Variants in ADAM9 observed in about 807,000 individuals in gnomAD.
The protein encoded by ADAM9 is disintegrin and metalloproteinase domain-containing protein 9.
ADAM9 carries 54 observed loss-of-function variants against 108.1 expected under a neutral mutation model. The observed-to-expected ratio is 0.50, with a 90% CI of 0.40 to 0.63. The LOEUF (loss-of-function observed/expected upper bound fraction) is 0.63. Ranked by LOEUF, ADAM9 falls within the 20% of genes least tolerant of loss-of-function variation. The pLI is 0.00. For synonymous variants in ADAM9, 316 were observed against 336.0 expected, an observed-to-expected ratio of 0.94 and a Z score of 0.65; for missense variants, 830 against 997.7, an observed-to-expected ratio of 0.83 and a Z score of 2.26.
intron 6 of ADAM9, among the ~76,000 whole-genome samples, chr8:39,018,268 TTTGAC>T (rs1006660902): frequency 8.5e-4 from 129 of 152,320 alleles, no homozygotes; most frequent in African/African-American, 3.0e-3. Context: ...TATCCACTCT[TTTGAC>T]TTGGGCTATT....
At chr8:39,062,209 AAAAG>A in intron 14 of ADAM9, among the ~76,000 whole-genome samples, 1 of 152,332 alleles carries the variant, frequency 6.6e-6, no homozygotes, top group Non-Finnish European at 1.5e-5. Flanking sequence ...TTGCCCTGGT[AAAAG>A]CCATAGGTCC....
In ADAM9 at chr8:39,045,103, TGCATACATAC is replaced by T. The variant is rs201807878; in HGVS notation, c.1302+2987_1302+2996del. On this transcript the variant is annotated intron_variant, in intron 12 of 21. Coordinates refer to ENST00000487273, the MANE Select transcript of ADAM9 (RefSeq NM_003816.3). ...GTGTGCATACATACATATGTGTGTG[TGCATACATAC>T]ATATGTGTGTGTGCATACATACATA... Among the ~76,000 whole-genome samples the T allele has an allele frequency of 0.013, 243 of 18,196 alleles. 18 individuals carry two copies. In the East Asian group the frequency reaches 0.13, roughly 10 times the overall value. 11.9% of individuals were successfully genotyped at this position (18,196 alleles called of 152,430 possible). A position where few individuals can be genotyped will look rare whatever the true frequency, so the allele number is the denominator to read the frequency against.
chr8:39,083,056 G>C lies in ADAM9; in HGVS notation c.2051G>C (p.Ser684Thr). 1 of 1,613,788 alleles carries C rather than the reference G, an allele frequency of 6.2e-7. No homozygotes were observed. Among genetic ancestry groups the C allele is most frequent in the Non-Finnish European group, 8.5e-7 (1 of 1,179,720 alleles). ...AAAGGATACGGAGGAAGTGTGGACA[G>C]TGGACCTACATACAATGGCAAGTAA... ...ETKGYGGSVD[S>T]GPTYNEMNTA... The change falls in exon 18 of 22, where the codon AGT (serine) becomes ACT (threonine). Residue 684 changes from serine (S) to threonine (T), a missense_variant. Ser to Thr is a moderately conservative substitution (Grantham distance 58, BLOSUM62 1). This residue lies in a region of ADAM9 where 238 missense variants were observed against 235.7 expected (regional missense o/e 1.01). Transcript: ENST00000487273.
chr8:39,084,279 C>A (rs191097193), intron 18 of ADAM9, among the ~76,000 whole-genome samples: 1 of 149,804 alleles, frequency 6.7e-6, no homozygotes, highest in Non-Finnish European at 1.5e-5. Flanking sequence ...AGTCTGCTTA[C>A]TTTGGGTTTC....
chr8:39,007,982 A>C lies in ADAM9; in HGVS notation c.194A>C (p.Gln65Pro). Residue 65 changes from glutamine to proline, a missense_variant and splice_region_variant, in exon 2 of 22, where the codon CAA (glutamine) becomes CCA (proline). Physicochemically the swap from Gln to Pro is moderately conservative, Grantham distance 76 (BLOSUM62 -1). Coordinates refer to ENST00000487273, the MANE Select transcript of ADAM9 (RefSeq NM_003816.3). ...RREAPRPYSK[Q>P]VSYVIQAEGK... ...GAAGCCCCTAGGCCCTATTCAAAACAAGTAAGTTATAATTGTTGAGAAATA... is the reference window on the plus strand; with the variant it reads ...GAAGCCCCTAGGCCCTATTCAAAACCAGTAAGTTATAATTGTTGAGAAATA... 1.9e-6 allele frequency: 3 copies of C among 1,587,254 alleles called. No homozygotes were observed.
At position 39,010,823 on chromosome 8, in the gene ADAM9, C is replaced by A. The variant is rs1836330959; in HGVS notation, c.196-835C>A. 2.0e-5 allele frequency among the ~76,000 whole-genome samples: 3 copies of A among 152,118 alleles called. No homozygotes were observed. The South Asian group carries it at 6.2e-4, about 32-fold the overall frequency. On this transcript the variant is annotated intron_variant, in intron 2 of 21. Coordinates refer to ENST00000487273, the MANE Select transcript of ADAM9 (RefSeq NM_003816.3). ...TAATAAAGACACGGAAGTGGCCCAG[C>A]AGGGTGGTTTATGCCTGTAATCCCA...
intron 2 of ADAM9, among the ~76,000 whole-genome samples, chr8:39,008,465 C>T (rs1056679628): frequency 9.2e-5 from 14 of 152,230 alleles, no homozygotes; most frequent in Middle Eastern, 3.4e-3. Flanking sequence ...TGAGCCACCA[C>T]GCCCAGCCAG....
intron 20 of ADAM9, among the ~76,000 whole-genome samples, chr8:39,095,496 C>T (rs964293974): frequency 4.6e-5 from 7 of 152,142 alleles, no homozygotes; most frequent in African/African-American, 1.7e-4. Flanking sequence ...AGTTGGAAAA[C>T]ATACTTGATG....
rs1196057806 is a variant in ADAM9 at position 39,040,545 on chromosome 8, T to C, written c.1131-1401T>C. Among the ~76,000 whole-genome samples, 9 of 152,238 alleles carry C rather than the reference T, an allele frequency of 5.9e-5. No homozygotes were observed. The East Asian group carries it at 1.7e-3, about 29-fold the overall frequency. ...AAAATCGAGTTATTTGTTTTTCTAC[T>C]ATGGAGTTGTGTGAGTTTTAAAAAA... On this transcript the variant is annotated intron_variant, in intron 11 of 21. Coordinates refer to ENST00000487273, the MANE Select transcript of ADAM9 (RefSeq NM_003816.3).
chr8:39,080,089 T>C (rs1838973391), intron 16 of ADAM9, among the ~76,000 whole-genome samples: 1 of 152,108 alleles, frequency 6.6e-6, no homozygotes, highest in African/African-American at 2.4e-5. Flanking sequence ...TCTTGCAGTA[T>C]TACACAAATT....
At chr8:38,997,852 C>T (rs1042803921) in intron 1 of ADAM9, among the ~76,000 whole-genome samples, 1 of 152,144 alleles carries the variant, frequency 6.6e-6, no homozygotes, top group Non-Finnish European at 1.5e-5. Context: ...GACAGATAAT[C>T]CCTGCTCTTT....
intron 1 of ADAM9, among the ~76,000 whole-genome samples, chr8:39,000,124 A>G (rs1224905537): frequency 6.6e-6 from 1 of 151,706 alleles, no homozygotes; most frequent in Non-Finnish European, 1.5e-5. Context: ...TCCCGAGTTC[A>G]AGCAATTCTC....
chr8:39,065,451 G>A (rs1271947327), intron 14 of ADAM9, among the ~76,000 whole-genome samples: 1 of 151,568 alleles, frequency 6.6e-6, no homozygotes, highest in African/African-American at 2.4e-5. Context: ...TCAGGAGATT[G>A]AGACCATCCT....
intron 7 of ADAM9, among the ~76,000 whole-genome samples, chr8:39,019,511 A>G (rs1836663659): frequency 6.6e-6 from 1 of 152,222 alleles, no homozygotes; most frequent in Admixed American, 6.5e-5. Context: ...TTTTAGAGAT[A>G]ATGGCTGTAT....
chr8:39,016,017 A>T, intron 4 of ADAM9, 101 bp from the exon 5 acceptor site: 1 of 1,086,260 alleles, frequency 9.2e-7, no homozygotes, highest in Non-Finnish European at 1.4e-6. Flanking sequence ...TGTTATTATT[A>T]AACTTGACTG....
chr8:39,058,784 C>T (rs1838205253), intron 14 of ADAM9, among the ~76,000 whole-genome samples: 1 of 152,238 alleles, frequency 6.6e-6, no homozygotes, highest in Admixed American at 6.5e-5. Context: ...AGCATAAGGT[C>T]GTGGGAACAG....
At chr8:39,066,714 T>G (rs1021710207) in intron 14 of ADAM9, among the ~76,000 whole-genome samples, 2 of 152,234 alleles carry the variant, frequency 1.3e-5, no homozygotes, top group African/African-American at 4.8e-5. Flanking sequence ...CTGTTCACTC[T>G]GATGGTAGTT....
At chr8:39,047,010 C>T (rs958144843) in intron 12 of ADAM9, among the ~76,000 whole-genome samples, 1 of 152,194 alleles carries the variant, frequency 6.6e-6, no homozygotes, top group Non-Finnish European at 1.5e-5. Context: ...CTCAAGCAGT[C>T]TGCCTGCGTA....
chr8:39,058,604 G>A (rs1329256786), intron 14 of ADAM9, among the ~76,000 whole-genome samples: 1 of 152,152 alleles, frequency 6.6e-6, no homozygotes, highest in East Asian at 1.9e-4. Flanking sequence ...TGGTGGTTCG[G>A]ATCAGTAATT....
Sources: gnomAD v4.1 joint callset for allele counts (sites outside exome capture counted in the v4.1 genomes callset) on GRCh38, gnomAD v4.1.1 for gene constraint, gnomAD v4.1.1 regional missense constraint, MANE v1.5 for transcripts, NCBI Gene and HGNC (gene_info 2026-07-23, HGNC 2026-07-21) for gene names.